Variants in MRPL40 observed in about 807,000 individuals in gnomAD.
The protein encoded by MRPL40 is large ribosomal subunit protein mL40.
A neutral mutation model predicts 24.5 loss-of-function variants in MRPL40; 18 were observed. That is an observed-to-expected ratio of 0.73 (90% CI 0.51 to 1.09). MRPL40 has a LOEUF of 1.09. Ranked by LOEUF, MRPL40 falls within the 50% of genes least tolerant of loss-of-function variation. The pLI is 0.00. For synonymous variants in MRPL40, 108 were observed against 94.6 expected (o/e 1.14, Z -0.82); for missense variants, 256 against 243.8 (o/e 1.05, Z -0.33).
In MRPL40 at chr22:19,435,967, G is replaced by T. The variant is rs1268467892; in HGVS notation, c.*5G>T. The T allele has an allele frequency of 2.5e-6, 4 of 1,607,980 alleles. No homozygotes were observed. The Admixed American group carries it at 6.7e-5, about 27-fold the overall frequency. On this transcript the variant is annotated 3_prime_UTR_variant, in exon 4 of 4. Coordinates refer to ENST00000333130, the MANE Select transcript of MRPL40 (RefSeq NM_003776.4). Reference sequence around the variant, plus strand: ...CAAGTGGAGTTTAAGAGATAGACTTGCAGGCTGCTATCCTTAACATGCTGC... The same window carrying T: ...CAAGTGGAGTTTAAGAGATAGACTTTCAGGCTGCTATCCTTAACATGCTGC...
At position 19,433,908 on chromosome 22, in the gene MRPL40, G is replaced by A. The variant is rs185671716; in HGVS notation, c.137+560G>A. On this transcript the variant is annotated intron_variant, in intron 2 of 3. Transcript: ENST00000333130. ...CTCCCAAGTAGCTGGGATTACAGGC[G>A]CCCACTACCACGCCCGGCTAATTTT... Among the ~76,000 whole-genome samples the A allele has an allele frequency of 4.6e-3, 697 of 151,844 alleles. 2 individuals are homozygous for A. Among genetic ancestry groups the A allele is most frequent in the Non-Finnish European group, 7.8e-3 (528 of 67,946 alleles).
At chr22:19,433,474 T>TA (rs2089564430) in intron 2 of MRPL40, 126 bp downstream of exon 2, 1 of 590,036 alleles carries the variant, frequency 1.7e-6, no homozygotes, top group African/African-American at 1.9e-5. Context: ...CAGTTAAATT[T>TA]AGGCCGATGC....
chr22:19,436,068 A>ATT lies in MRPL40; in HGVS notation c.*106_*107insTT. On this transcript the variant is annotated 3_prime_UTR_variant, in exon 4 of 4. Transcript: ENST00000333130. The stretch of plus-strand genomic sequence containing the variant: ...GCATGCTGTTAATAAATACTGGTTT[A>ATT]ATCAAAATGCTCCTTTGTCTTGTGT... 2.0e-6 allele frequency: 2 copies of ATT among 1,013,182 alleles called. No homozygotes were observed. The highest frequency in any genetic ancestry group is 5.4e-5 in the Admixed American group (2 of 37,082). 62.8% of individuals were successfully genotyped at this position (1,013,182 alleles called of 1,614,324 possible).
chr22:19,435,293 A>G (rs1005670882), intron 3 of MRPL40, among the ~76,000 whole-genome samples: 1 of 152,136 alleles, frequency 6.6e-6, no homozygotes, highest in African/African-American at 2.4e-5. Flanking sequence ...TTGGGATTCT[A>G]CTGTGTGCAG....
chr22:19,433,484 C>G, intron 2 of MRPL40, 136 bp downstream of exon 2: 1 of 571,594 alleles, frequency 1.7e-6, no homozygotes, highest in South Asian at 1.9e-5. Context: ...TAGGCCGATG[C>G]TTTTCTGTTT....
chr22:19,434,595 T>C lies in MRPL40; in HGVS notation c.138-141T>C, dbSNP rs146691129. ...AAGTACTGTGGGGTGGAGTACCTCC[T>C]CACCACGCTGAGCTCATGAGTTAGT... is the stretch of plus-strand genomic sequence containing the variant. On this transcript the variant is annotated intron_variant, in intron 2 of 3. Coordinates refer to ENST00000333130, the MANE Select transcript of MRPL40 (RefSeq NM_003776.4). 12 of 635,158 alleles carry C rather than the reference T, an allele frequency of 1.9e-5. No individual in the cohort carries two copies. The East Asian group carries it at 3.4e-4, about 18-fold the overall frequency. The allele number at this position is 635,158 out of a possible 1,614,324, so 39.3% of individuals were successfully genotyped here.
chr22:19,435,263 A>AT (rs2089579527), intron 3 of MRPL40, among the ~76,000 whole-genome samples: 1 of 152,102 alleles, frequency 6.6e-6, no homozygotes, highest in Non-Finnish European at 1.5e-5. Context: ...TATCATGCAG[A>AT]TATCTTTGGT....
chr22:19,432,639 G>A (rs1178318817), intron 1 of MRPL40, 32 bp downstream of exon 1: 2 of 1,534,226 alleles, frequency 1.3e-6, no homozygotes, highest in South Asian at 1.2e-5. Context: ...ATAGCGGAGT[G>A]CCCAGGGCGC....
At chr22:19,432,976 C>A in intron 1 of MRPL40, 1 of 921,284 alleles carries the variant, frequency 1.1e-6, no homozygotes, top group Non-Finnish European at 1.4e-6. Flanking sequence ...GTCGCCCAGG[C>A]TGGAGTGCAG....
At position 19,435,726 on chromosome 22, in the gene MRPL40, C is replaced by T. The variant is rs200437315; in HGVS notation, c.385C>T (p.Arg129Cys). 3.5e-5 allele frequency: 57 copies of T among 1,614,054 alleles called. No individual in the cohort carries two copies. The East Asian group carries it at 6.2e-4, about 18-fold the overall frequency. ...GTGGTCCTTGTACAAGCAGCAAGAGCGTAAGATGGAGAGGGACACCATCAG... is the reference window on the plus strand; with the variant it reads ...GTGGTCCTTGTACAAGCAGCAAGAGTGTAAGATGGAGAGGGACACCATCAG... ...KKWSLYKQQE[R>C]KMERDTIRAM... Residue 129 changes from arginine to cysteine, a missense_variant, in exon 4 of 4, where the codon CGT (arginine) becomes TGT (cysteine). Transcript: ENST00000333130.
chr22:19,433,334 A>T lies in MRPL40; in HGVS notation c.123A>T (p.Glu41Asp), dbSNP rs1227909890. 4.3e-6 allele frequency: 7 copies of T among 1,609,686 alleles called. No individual in the cohort carries two copies. The highest frequency in any genetic ancestry group is 1.7e-5 in the Admixed American group (1 of 59,964). ...HQRASLLSFWELIPMRSEPLR... is the reference protein window; with the variant it reads ...HQRASLLSFWDLIPMRSEPLR... The stretch of plus-strand genomic sequence containing the variant: ...GAGCGTCATTGTTGTCTTTCTGGGA[A>T]CTCATTCCCATGAGGTAAAACTCAA... Residue 41 changes from glutamate (E) to aspartate (D), a missense_variant, in exon 2 of 4, where the codon GAA (glutamate) becomes GAT (aspartate). Coordinates refer to ENST00000333130, the MANE Select transcript of MRPL40 (RefSeq NM_003776.4).
chr22:19,433,798 T>C (rs979691215), intron 2 of MRPL40, among the ~76,000 whole-genome samples: 4 of 152,170 alleles, frequency 2.6e-5, no homozygotes, highest in African/African-American at 9.7e-5. Context: ...AGTCTCACTG[T>C]GTCACCCAGG....
chr22:19,434,240 T>G (rs1235142843), intron 2 of MRPL40, among the ~76,000 whole-genome samples: 12 of 111,332 alleles, frequency 1.1e-4, no homozygotes, highest in Admixed American at 4.9e-4. Flanking sequence ...TTTTTTTTTT[T>G]GAGACAGAGT....
At chr22:19,434,686 G>C in intron 2 of MRPL40, 50 bp from the exon 3 acceptor site, 2 of 1,471,188 alleles carry the variant, frequency 1.4e-6, no homozygotes, top group Non-Finnish European at 1.8e-6. Context: ...TCTCTCAGTA[G>C]GTTCATGAGA....
Position 19,435,940 on chromosome 22 carries a change from C to T in MRPL40, c.599C>T (p.Thr200Ile), listed in dbSNP as rs747019344. The T allele has an allele frequency of 8.7e-6, 14 of 1,613,906 alleles. No individual in the cohort carries two copies. Among genetic ancestry groups the T allele is most frequent in the Non-Finnish European group, 1.2e-5 (14 of 1,179,830 alleles). ...TACAATGACATCACCAAGGTGTACACACAAGTGGAGTTTAAGAGATAGACT... is the reference window on the plus strand; with the variant it reads ...TACAATGACATCACCAAGGTGTACATACAAGTGGAGTTTAAGAGATAGACT... ...GRYNDITKVYTQVEFKR is the reference protein window; with the variant it reads ...GRYNDITKVYIQVEFKR Residue 200 changes from threonine to isoleucine, a missense_variant, in exon 4 of 4, where the codon ACA (threonine) becomes ATA (isoleucine). Thr to Ile is a moderately conservative substitution (Grantham distance 89). Coordinates refer to ENST00000333130, the MANE Select transcript of MRPL40 (RefSeq NM_003776.4).
At position 19,435,813 on chromosome 22, in the gene MRPL40, C is replaced by A; in HGVS notation, c.472C>A (p.His158Asn). ...ACTGCAACTGGAATCCCCGAAGCTC[C>A]ATGCTGAGGCCATCAAGCGGGATCC... is the stretch of plus-strand genomic sequence containing the variant. ...EELQLESPKL[H>N]AEAIKRDPNL... The change falls in exon 4 of 4, where the codon CAT becomes AAT. Residue 158 changes from histidine (H) to asparagine (N), a missense_variant. His to Asn is a moderately conservative substitution (Grantham distance 68). Transcript: ENST00000333130. 6.2e-7 allele frequency: 1 copy of A among 1,614,208 alleles called. No homozygotes were observed. Among genetic ancestry groups the A allele is most frequent in the Non-Finnish European group, 8.5e-7 (1 of 1,180,032 alleles).
Position 19,435,933 on chromosome 22 carries a change from G to A in MRPL40, c.592G>A (p.Val198Met). 6.2e-7 allele frequency: 1 copy of A among 1,614,050 alleles called. No homozygotes were observed. The highest frequency in any genetic ancestry group is 8.5e-7 in the Non-Finnish European group (1 of 1,179,978). The change falls in exon 4 of 4, where the codon GTG (valine) becomes ATG (methionine). Residue 198 changes from valine (V) to methionine (M), a missense_variant. By Grantham distance (21) the Val-to-Met change is conservative. Transcript: ENST00000333130. ...AGGCAGGTACAATGACATCACCAAG[G>A]TGTACACACAAGTGGAGTTTAAGAG... is the stretch of plus-strand genomic sequence containing the variant. ...PEGRYNDITK[V>M]YTQVEFKR
intron 3 of MRPL40, 105 bp from the exon 4 acceptor site, chr22:19,435,528 CTTGTT>C: frequency 9.7e-7 from 1 of 1,030,604 alleles, no homozygotes; most frequent in Non-Finnish European, 1.4e-6. Flanking sequence ...TTGTCCCAAA[CTTGTT>C]TTATCTCCTA....
At chr22:19,432,920 A>G in intron 1 of MRPL40, 1 of 1,159,844 alleles carries the variant, frequency 8.6e-7, no homozygotes, top group Admixed American at 3.8e-5. Context: ...GTGAAGTGGG[A>G]GAGAATCAGA....
Sources: allele counts gnomAD v4.1 joint callset (sites outside exome capture counted in the v4.1 genomes callset), GRCh38; gene constraint gnomAD v4.1.1; transcripts MANE v1.5; gene names NCBI Gene and HGNC (gene_info 2026-07-23, HGNC 2026-07-21).